Variants in SERPINI2 observed in about 807,000 individuals in gnomAD.
The protein encoded by SERPINI2 is serpin I2.
In SERPINI2, 48 loss-of-function variants were observed where a neutral mutation model predicts 47.3. The ratio of observed to expected loss-of-function variants is 1.02; its 90% CI spans 0.81 to 1.29. The LOEUF is 1.29. Ranked by LOEUF, SERPINI2 falls within the 50% of genes most tolerant of loss-of-function variation. The pLI is 0.00. For missense variants in SERPINI2, 448 were observed against 456.9 expected, an observed-to-expected ratio of 0.98 and a Z score of 0.18; for synonymous variants, 135 against 149.3, an observed-to-expected ratio of 0.90 and a Z score of 0.70.
intron 8 of SERPINI2, among the ~76,000 whole-genome samples, chr3:167,442,804 G>GA (rs1253933367): frequency 2.0e-5 from 3 of 152,186 alleles, no homozygotes; most frequent in Non-Finnish European, 2.9e-5. Flanking sequence ...AAAACAGAAA[G>GA]AATGATGTAC....
At chr3:167,464,306 G>A in intron 5 of SERPINI2, among the ~76,000 whole-genome samples, 1 of 152,056 alleles carries the variant, frequency 6.6e-6, no homozygotes, top group Non-Finnish European at 1.5e-5. Flanking sequence ...GAGCCACCAT[G>A]CCTGGCCAGG....
chr3:167,464,009 C>CTTTTTT (rs555948215), intron 5 of SERPINI2, among the ~76,000 whole-genome samples: 5,891 of 92,918 alleles, frequency 0.063, 293 homozygotes, highest in Non-Finnish European at 0.086. Context: ...ACAGGAGTGG[C>CTTTTTT]TTTTTTTTTT....
chr3:167,450,774 A>G (rs1374782349), intron 6 of SERPINI2, among the ~76,000 whole-genome samples: 1 of 152,138 alleles, frequency 6.6e-6, no homozygotes, highest in Non-Finnish European at 1.5e-5. Flanking sequence ...AGGAAAGACC[A>G]AAAAGCAGGT....
chr3:167,447,300 T>G (rs541339071), intron 7 of SERPINI2, among the ~76,000 whole-genome samples: 5 of 152,218 alleles, frequency 3.3e-5, no homozygotes, highest in African/African-American at 1.2e-4. Flanking sequence ...ATCCAGAATA[T>G]CAAGGGTATA....
chr3:167,471,921 C>T, intron 1 of SERPINI2, 77 bp from the exon 2 acceptor site: 2 of 1,056,696 alleles, frequency 1.9e-6, no homozygotes, highest in Non-Finnish European at 2.8e-6. Context: ...AACTTTCTAC[C>T]TGTTGTAGCT....
intron 1 of SERPINI2, chr3:167,473,602 C>G (rs1389019182): frequency 5.0e-6 from 2 of 397,308 alleles, no homozygotes; most frequent in East Asian, 3.8e-5. Context: ...TTAGAGTTTC[C>G]TTCTCATTAT....
chr3:167,465,287 ACTT>A (rs1283618841), exon 5 of SERPINI2: 1 of 1,612,868 alleles, frequency 6.2e-7, no homozygotes, highest in Non-Finnish European at 8.5e-7. Context: ...TAGTTTTTCC[ACTT>A]CTTCTATATC....
chr3:167,452,077 T>C (rs911475834), intron 6 of SERPINI2, among the ~76,000 whole-genome samples: 1 of 152,202 alleles, frequency 6.6e-6, no homozygotes, highest in South Asian at 2.1e-4. Context: ...GCCCATATAA[T>C]TGATGGGTGA....
At position 167,442,193 on chromosome 3, in the gene SERPINI2, A is replaced by G. The variant is rs186637558; in HGVS notation, c.1142-8T>C. 1,067 of 1,555,430 alleles carry G rather than the reference A, an allele frequency of 6.9e-4. 7 individuals are homozygous for G. In the African/African-American group the frequency reaches 0.013, roughly 19 times the overall value. ...CCATAAACAGAATTGATTCTAGGGA[A>G]AAAAAAACAAAAAAATATACTTTAG... On this transcript the variant is annotated splice_polypyrimidine_tract_variant and splice_region_variant and intron_variant, in intron 8 of 8. Transcript: ENST00000264677.
chr3:167,442,766 A>G (rs530356953), intron 8 of SERPINI2, among the ~76,000 whole-genome samples: 2 of 152,310 alleles, frequency 1.3e-5, no homozygotes, highest in South Asian at 4.1e-4. Flanking sequence ...TGTGTTTGCA[A>G]GTGAAAAGGA....
chr3:167,453,337 T>A (rs1416567217), intron 5 of SERPINI2, among the ~76,000 whole-genome samples: 1 of 152,176 alleles, frequency 6.6e-6, no homozygotes, highest in Non-Finnish European at 1.5e-5. Flanking sequence ...AGGTCTCAAT[T>A]GCTTGGCTTC....
At chr3:167,454,701 T>C (rs1286879470) in intron 5 of SERPINI2, among the ~76,000 whole-genome samples, 1 of 152,184 alleles carries the variant, frequency 6.6e-6, no homozygotes, top group Non-Finnish European at 1.5e-5. Context: ...GCTCATAATA[T>C]AGTCCAATGA....
rs114049367 is a variant in SERPINI2, at chr3:167,451,895, T to C, written c.964+1041A>G. On this transcript the variant is annotated intron_variant, in intron 6 of 8. Coordinates refer to ENST00000264677, the Ensembl canonical transcript of SERPINI2. ...ACTTACAGAGCATCCTGTTGCAGTA[T>C]TTAATGTTGACCATCTCATACCTAG... Among the ~76,000 whole-genome samples the C allele has an allele frequency of 4.5e-3, 690 of 152,322 alleles. 1 individual carries two copies. The highest frequency in any genetic ancestry group is 0.02 in the Middle Eastern group (6 of 294).
At chr3:167,460,100 A>G (rs1190306091) in intron 5 of SERPINI2, among the ~76,000 whole-genome samples, 1 of 152,184 alleles carries the variant, frequency 6.6e-6, no homozygotes, top group Admixed American at 6.5e-5. Context: ...ACTGTGAGAG[A>G]ATCAATTTCT....
Position 167,468,345 on chromosome 3 carries a change from A to AT in SERPINI2, c.248-1061dup, listed in dbSNP as rs199945347. The stretch of plus-strand genomic sequence containing the variant: ...TGTGTACCTAAGCTTGTGTAAATAC[A>AT]TTTTTTTTTTTAAATCAGAAAGCTA... On this transcript the variant is annotated intron_variant, in intron 2 of 8. Transcript: ENST00000264677. 1.5e-3 allele frequency among the ~76,000 whole-genome samples: 228 copies of AT among 148,452 alleles called. 1 individual carries two copies. The highest frequency in any genetic ancestry group is 3.5e-3 in the Admixed American group (52 of 14,782).
intron 5 of SERPINI2, among the ~76,000 whole-genome samples, chr3:167,458,455 G>A (rs1285583103): frequency 8.6e-5 from 13 of 150,750 alleles, no homozygotes; most frequent in African/African-American, 2.9e-4. Context: ...GTAGAGACGG[G>A]GTTTAACGGT....
chr3:167,457,240 G>T lies in SERPINI2; in HGVS notation c.867-4207C>A, dbSNP rs114433997. On this transcript the variant is annotated intron_variant, in intron 5 of 8. Coordinates refer to ENST00000264677, the Ensembl canonical transcript of SERPINI2. ...GTGAGAACTATAAAGCCTCTCCCAA[G>T]GAAAATACATGCATAACCTTACATG... is the stretch of plus-strand genomic sequence containing the variant. Among the ~76,000 whole-genome samples the T allele has an allele frequency of 6.0e-3, 911 of 152,260 alleles. 8 individuals are homozygous for T. The highest frequency in any genetic ancestry group is 0.021 in the African/African-American group (866 of 41,546).
chr3:167,451,024 G>A (rs1243108954), intron 6 of SERPINI2, among the ~76,000 whole-genome samples: 1 of 152,070 alleles, frequency 6.6e-6, no homozygotes, highest in Non-Finnish European at 1.5e-5. Flanking sequence ...AAAATTCTAA[G>A]TACATTGTTA....
At chr3:167,453,225 T>G (rs1364995659) in intron 5 of SERPINI2, among the ~76,000 whole-genome samples, 192 bp from the exon 6 acceptor site, 1 of 152,208 alleles carries the variant, frequency 6.6e-6, no homozygotes, top group East Asian at 1.9e-4. Context: ...AATAACTTGC[T>G]TCCCAGATAA....
Sources: gnomAD v4.1 joint callset for allele counts (sites outside exome capture counted in the v4.1 genomes callset) on GRCh38, gnomAD v4.1.1 for gene constraint, MANE v1.5 for transcripts, NCBI Gene and HGNC (gene_info 2026-07-23, HGNC 2026-07-21) for gene names.